Variants in NECTIN1 observed in about 807,000 individuals in gnomAD.
NECTIN1 encodes the protein nectin cell adhesion molecule 1, also known as nectin-1.
NECTIN1 carries 23 observed loss-of-function variants against 48.0 expected under a neutral mutation model. The ratio of observed to expected loss-of-function variants is 0.48; its 90% CI spans 0.34 to 0.68. The LOEUF (loss-of-function observed/expected upper bound fraction) is 0.68, where lower values mean the gene tolerates loss of function less well. NECTIN1 is among the 30% of genes least tolerant of loss of function. The probability of loss-of-function intolerance (pLI) is 0.01; values close to 1 mark genes in which losing one functional copy is unlikely to be tolerated. For missense variants in NECTIN1, 591 were observed against 709.9 expected, an observed-to-expected ratio of 0.83 and a Z score of 1.90; for synonymous variants, 270 against 288.9, an observed-to-expected ratio of 0.93 and a Z score of 0.66.
At chr11:119,718,609 C>T (rs1005719826) in intron 1 of NECTIN1, among the ~76,000 whole-genome samples, 3 of 152,204 alleles carry the variant, frequency 2.0e-5, no homozygotes, top group Non-Finnish European at 2.9e-5. Context: ...CCTGGGAACA[C>T]GCGCTGGGGG....
At chr11:119,640,738 C>G (rs1864309930) in intron 5 of NECTIN1, 1 of 152,348 alleles carries the variant, frequency 6.6e-6, no homozygotes, top group African/African-American at 2.4e-5. Context: ...CATGCTGCTT[C>G]TCAGCGATCC....
rs1172940047 is a variant in NECTIN1, at chr11:119,678,502, C to G, written c.343G>C (p.Glu115Gln). 3.1e-6 allele frequency: 5 copies of G among 1,614,226 alleles called. No homozygotes were observed. Among genetic ancestry groups the G allele is most frequent in the Non-Finnish European group, 4.2e-6 (5 of 1,180,036 alleles). ...TDGTIRLSRL[E>Q]LEDEGVYICE... ...ATGTAGACACCCTCATCCTCCAGCT[C>G]CAGGCGGGAGAGGCGGATAGTGCCA... The change falls in exon 2 of 6, where the codon GAG (glutamate) becomes CAG (glutamine). Residue 115 changes from glutamate (E) to glutamine (Q), a missense_variant. Physicochemically the swap from Glu to Gln is conservative, Grantham distance 29 (BLOSUM62 2). Transcript: ENST00000264025. The surrounding 1 kb of genome is among the most constrained non-coding windows in gnomAD (Gnocchi z 4.4).
At chr11:119,715,770 C>T (rs984558615) in intron 1 of NECTIN1, among the ~76,000 whole-genome samples, 2 of 152,140 alleles carry the variant, frequency 1.3e-5, no homozygotes, top group Non-Finnish European at 2.9e-5. Context: ...GCCTGACCCA[C>T]AAGGCCCTAG....
At chr11:119,722,150 G>A (rs955304904) in intron 1 of NECTIN1, among the ~76,000 whole-genome samples, 1 of 152,238 alleles carries the variant, frequency 6.6e-6, no homozygotes, top group Non-Finnish European at 1.5e-5. Context: ...GCATAAGACG[G>A]TCAGCAAATT....
At position 119,693,114 on chromosome 11, in the gene NECTIN1, A is replaced by C. The variant is rs552706926; in HGVS notation, c.80-14349T>G. ...GCCCAGCACAAGGATATGACTGAAGACTCCAGACATGAAAAGCCCCCATTC... is the reference window on the plus strand; with the variant it reads ...GCCCAGCACAAGGATATGACTGAAGCCTCCAGACATGAAAAGCCCCCATTC... On this transcript the variant is annotated intron_variant, in intron 1 of 5. Coordinates refer to ENST00000264025, the MANE Select transcript of NECTIN1 (RefSeq NM_002855.5). 3.7e-4 allele frequency among the ~76,000 whole-genome samples: 56 copies of C among 151,700 alleles called. No individual in the cohort carries two copies. The Middle Eastern group carries it at 0.01, about 28-fold the overall frequency.
chr11:119,644,087 G>A (rs1052325540), intron 5 of NECTIN1, among the ~76,000 whole-genome samples: 2 of 152,218 alleles, frequency 1.3e-5, no homozygotes, highest in Non-Finnish European at 2.9e-5. Flanking sequence ...GCCCGCACTC[G>A]GTCCTGGCTC....
chr11:119,718,612 G>A (rs144777581), intron 1 of NECTIN1, among the ~76,000 whole-genome samples: 27 of 152,308 alleles, frequency 1.8e-4, no homozygotes, highest in Admixed American at 6.5e-4. Context: ...GGGAACACGC[G>A]CTGGGGGACC....
In NECTIN1 at chr11:119,673,179, G is replaced by A. The variant is rs1377266977; in HGVS notation, c.1003+1980C>T. Among the ~76,000 whole-genome samples the A allele has an allele frequency of 6.6e-6, 1 of 152,208 alleles. No homozygotes were observed. The highest frequency in any genetic ancestry group is 1.5e-5 in the Non-Finnish European group (1 of 68,038). ...GCCGACGTGGAATGGAGGGTGGTGA[G>A]GTCAGCTGCTGCTTGGAAATTGCCT... On this transcript the variant is annotated intron_variant, in intron 5 of 5. Coordinates refer to ENST00000264025, the MANE Select transcript of NECTIN1 (RefSeq NM_002855.5). The surrounding 1 kb of genome is among the most constrained non-coding windows in gnomAD (Gnocchi z 5.8).
chr11:119,722,122 T>C (rs1865841691), intron 1 of NECTIN1, among the ~76,000 whole-genome samples: 1 of 152,246 alleles, frequency 6.6e-6, no homozygotes, highest in African/African-American at 2.4e-5. Flanking sequence ...AGACCCAGTG[T>C]CTAATTTGGC....
intron 5 of NECTIN1, among the ~76,000 whole-genome samples, chr11:119,647,160 C>CGT (rs1565375700): frequency 7.3e-4 from 52 of 71,354 alleles, no homozygotes; most frequent in African/African-American, 2.1e-3. Flanking sequence ...GCTTGCGGCG[C>CGT]ATGTGTGTGT....
chr11:119,638,815 A>AG, intron 6 of NECTIN1: 1 of 1,612,444 alleles, frequency 6.2e-7, no homozygotes, highest in Non-Finnish European at 8.5e-7. Context: ...TCCTGGAGAC[A>AG]GAATGAGGGT....
chr11:119,681,261 G>C (rs923672323), intron 1 of NECTIN1, among the ~76,000 whole-genome samples: 23 of 152,372 alleles, frequency 1.5e-4, no homozygotes, highest in African/African-American at 5.0e-4. Context: ...CATAATTGGG[G>C]AACTTGCACC....
At chr11:119,640,751 G>C (rs1438916660) in intron 5 of NECTIN1, 1 of 152,278 alleles carries the variant, frequency 6.6e-6, no homozygotes, top group Non-Finnish European at 1.5e-5. Flanking sequence ...AGCGATCCAG[G>C]CTTGGCTGTG....
chr11:119,660,342 G>A (rs368774365), downstream of NECTIN1, among the ~76,000 whole-genome samples: 6 of 152,128 alleles, frequency 3.9e-5, no homozygotes, highest in African/African-American at 1.4e-4. Flanking sequence ...GGAGAGCGGG[G>A]AGGTAACCGA....
In NECTIN1 at chr11:119,665,255, G is replaced by C. The variant is rs573905161; in HGVS notation, c.1046C>G (p.Ala349Gly). 56 of 1,598,100 alleles carry C rather than the reference G, an allele frequency of 3.5e-5. No individual in the cohort carries two copies. The African/African-American group carries it at 7.2e-4, about 21-fold the overall frequency. Residue 349 changes from alanine to glycine, a missense_variant, in exon 6 of 6, where the codon GCC (alanine) becomes GGC (glycine). Ala to Gly is a moderately conservative substitution (Grantham distance 60). Transcript: ENST00000264025. The surrounding 1 kb of genome is among the most constrained non-coding windows in gnomAD (Gnocchi z 5.1). ...TPSPPEHGRR[A>G]GPVPTAIIGG... ...AATGATGGCCGTGGGCACCGGCCCG[G>C]CGCGCCGCCCATGTTCGGGAGGAGA...
intron 1 of NECTIN1, among the ~76,000 whole-genome samples, chr11:119,693,954 T>G (rs1290992565): frequency 6.6e-6 from 1 of 152,254 alleles, no homozygotes; most frequent in Admixed American, 6.5e-5. Context: ...TAATTAGATT[T>G]AATTACTGGG....
At chr11:119,708,194 G>GA (rs1865579549) in intron 1 of NECTIN1, among the ~76,000 whole-genome samples, 1 of 152,148 alleles carries the variant, frequency 6.6e-6, no homozygotes, top group Admixed American at 6.5e-5. Context: ...GAGTCCTTGA[G>GA]ACAGACAGAG....
intron 6 of NECTIN1, chr11:119,638,925 G>T: frequency 2.3e-6 from 2 of 878,820 alleles, no homozygotes; most frequent in Non-Finnish European, 3.7e-6. Context: ...CGGGAGCTCT[G>T]CTTCCCAGGC....
In NECTIN1 at chr11:119,728,465, G is replaced by C; in HGVS notation, c.79+10C>G. On this transcript the variant is annotated intron_variant, in intron 1 of 5. Transcript: ENST00000264025. The stretch of plus-strand genomic sequence containing the variant: ...ATGGGGGTGGGGACAGCAGAGGTGA[G>C]CGCTCTTACCTGGGAGGAAGAATGC... 1 of 1,597,722 alleles carries C rather than the reference G, an allele frequency of 6.3e-7. No homozygotes were observed. The highest frequency in any genetic ancestry group is 8.5e-7 in the Non-Finnish European group (1 of 1,173,596).
Sources: gnomAD v4.1 joint callset for allele counts (sites outside exome capture counted in the v4.1 genomes callset) on GRCh38, gnomAD v4.1.1 for gene constraint, Gnocchi (gnomAD v3.1) non-coding constraint, MANE v1.5 for transcripts, NCBI Gene and HGNC (gene_info 2026-07-23, HGNC 2026-07-21) for gene names.